ARHGAP26: variants seen among roughly 807,000 people sequenced by gnomAD.
ARHGAP26 encodes the protein rho GTPase-activating protein 26.
Under a neutral mutation model 104.8 loss-of-function variants are expected in ARHGAP26, and 38 were observed. The ratio of observed to expected loss-of-function variants is 0.36; its 90% CI spans 0.28 to 0.48. ARHGAP26 has a LOEUF of 0.48. ARHGAP26 is among the 20% of genes least tolerant of loss of function. ARHGAP26 has a pLI of 0.99. For synonymous variants in ARHGAP26, 341 were observed against 340.0 expected (o/e 1.00, Z -0.03); for missense variants, 704 against 947.9 (o/e 0.74, Z 3.38).
At chr5:143,001,634 T>C (rs1242766112) in intron 11 of ARHGAP26, among the ~76,000 whole-genome samples, 1 of 152,242 alleles carries the variant, frequency 6.6e-6, no homozygotes, top group East Asian at 1.9e-4. Context: ...AGTCACACTA[T>C]TCCTGGAGTC....
chr5:143,054,152 G>A (rs76922282), intron 14 of ARHGAP26, among the ~76,000 whole-genome samples: 3,396 of 152,246 alleles, frequency 0.022, 70 homozygotes, highest in South Asian at 0.11. Context: ...GGGTATAAAC[G>A]TTTTTAAGAC....
intron 20 of ARHGAP26, among the ~76,000 whole-genome samples, chr5:143,149,653 C>G (rs1469989115): frequency 6.6e-6 from 1 of 152,180 alleles, no homozygotes. Context: ...TAACAATCAC[C>G]TGAGACGACT....
chr5:142,848,974 A>T (rs1175960348), intron 1 of ARHGAP26, among the ~76,000 whole-genome samples: 1 of 152,176 alleles, frequency 6.6e-6, no homozygotes, highest in Non-Finnish European at 1.5e-5. Flanking sequence ...TCTTTGCACT[A>T]AATTGGTTTT....
chr5:143,085,792 G>C (rs3756377), intron 17 of ARHGAP26, among the ~76,000 whole-genome samples: 1 of 152,190 alleles, frequency 6.6e-6, no homozygotes, highest in South Asian at 2.1e-4. Flanking sequence ...CTGTGGGTAC[G>C]AGGAAGGAAA....
In ARHGAP26 at chr5:142,879,381, A is replaced by G. The variant is rs769509954; in HGVS notation, c.320A>G (p.Asn107Ser). ...LEDERIRMIE[N>S]ASEVLITPLE... ...TCTGTTGTTCTTCACCAGATTGAGA[A>G]TGCCAGCGAGGTGCTCATCACTCCC... Residue 107 changes from asparagine (N) to serine (S), a missense_variant, in exon 4 of 23, where the codon AAT becomes AGT. Asn to Ser is a conservative substitution (Grantham distance 46). Around this residue, in one of 6 missense-constraint regions of ARHGAP26, gnomAD observed 106 missense variants for 120.5 expected, o/e 0.88. Transcript: ENST00000645722. 1 of 1,614,104 alleles carries G rather than the reference A, an allele frequency of 6.2e-7. No individual in the cohort carries two copies. Among genetic ancestry groups the G allele is most frequent in the Non-Finnish European group, 8.5e-7 (1 of 1,179,972 alleles).
At position 142,997,851 on chromosome 5, in the gene ARHGAP26, T is replaced by C. The variant is rs1343866094; in HGVS notation, c.1108-16229T>C. Among the ~76,000 whole-genome samples the C allele has an allele frequency of 2.6e-5, 4 of 152,192 alleles. No individual in the cohort carries two copies. The East Asian group carries it at 5.8e-4, about 22-fold the overall frequency. On this transcript the variant is annotated intron_variant, in intron 11 of 22. Coordinates refer to ENST00000645722, the MANE Select transcript of ARHGAP26 (RefSeq NM_001135608.3). Reference sequence around the variant, plus strand: ...GTGTCTAAGTGAAAGAAGTTTATGATGTGCCTTGTGGCATAATATGAAAAT... The same window carrying C: ...GTGTCTAAGTGAAAGAAGTTTATGACGTGCCTTGTGGCATAATATGAAAAT...
chr5:142,932,845 G>A (rs1413678506), intron 11 of ARHGAP26, among the ~76,000 whole-genome samples: 1 of 152,220 alleles, frequency 6.6e-6, no homozygotes, highest in African/African-American at 2.4e-5. Context: ...TGATTTGTGT[G>A]TGTCTTTCTC....
intron 20 of ARHGAP26, among the ~76,000 whole-genome samples, chr5:143,169,165 A>G (rs1802436123): frequency 6.6e-6 from 1 of 152,234 alleles, no homozygotes; most frequent in Non-Finnish European, 1.5e-5. Context: ...TGAAAACTGA[A>G]CACTGGTGTA....
At chr5:143,103,299 T>C (rs1477519023) in intron 17 of ARHGAP26, 1 of 936,632 alleles carries the variant, frequency 1.1e-6, no homozygotes, top group Non-Finnish European at 1.3e-6. Context: ...AAACAACAGA[T>C]GCTGGAGAGG....
intron 1 of ARHGAP26, among the ~76,000 whole-genome samples, chr5:142,815,039 C>T (rs547884863): frequency 6.6e-6 from 1 of 152,292 alleles, no homozygotes; most frequent in Admixed American, 6.5e-5. Flanking sequence ...CTTGCTCTGT[C>T]ACCCAGGCTG....
intron 11 of ARHGAP26, among the ~76,000 whole-genome samples, chr5:142,978,714 A>G (rs1773488241): frequency 6.7e-6 from 1 of 150,172 alleles, no homozygotes; most frequent in Non-Finnish European, 1.5e-5. Flanking sequence ...TATTATCTTA[A>G]TCCTGGAGCT....
intron 17 of ARHGAP26, among the ~76,000 whole-genome samples, chr5:143,114,879 G>C (rs1795219142): frequency 6.6e-6 from 1 of 152,148 alleles, no homozygotes; most frequent in East Asian, 1.9e-4. Flanking sequence ...GTTCTTTGTA[G>C]GGTGGTGGGC....
In ARHGAP26 at chr5:143,229,005, G is replaced by A; in HGVS notation, c.*6559G>A. ...AATTAAATGACTTTTCCATTTGGTG[G>A]TATTTTCTTGAGTTTCTGATAGAGT... On this transcript the variant is annotated 3_prime_UTR_variant, in exon 23 of 23. Transcript: ENST00000645722. 5.6e-6 allele frequency: 1 copy of A among 179,550 alleles called. No individual in the cohort carries two copies. The highest frequency in any genetic ancestry group is 2.0e-4 in the South Asian group (1 of 5,052). The allele number at this position is 179,550 out of a possible 1,614,324, so 11.1% of individuals were successfully genotyped here. A position where few individuals can be genotyped will look rare whatever the true frequency, so the allele number is the denominator to read the frequency against.
intron 10 of ARHGAP26, among the ~76,000 whole-genome samples, chr5:142,919,783 G>A (rs1398542055): frequency 6.6e-6 from 1 of 152,148 alleles, no homozygotes; most frequent in Non-Finnish European, 1.5e-5. Context: ...GATCATTTGA[G>A]CTCAGGAGTT....
chr5:142,949,106 A>C lies in ARHGAP26; in HGVS notation c.1107+16981A>C, dbSNP rs1445586884. On this transcript the variant is annotated intron_variant, in intron 11 of 22. Coordinates refer to ENST00000645722, the MANE Select transcript of ARHGAP26 (RefSeq NM_001135608.3). ...GGTGAAAGAGTGAGACTCCGTCTCAAAAAAAAAAAATTGAAGAAAGCACAG... is the reference window on the plus strand; with the variant it reads ...GGTGAAAGAGTGAGACTCCGTCTCACAAAAAAAAAATTGAAGAAAGCACAG... Among the ~76,000 whole-genome samples, 9 of 148,388 alleles carry C rather than the reference A, an allele frequency of 6.1e-5. 1 individual carries two copies. The highest frequency in any genetic ancestry group is 2.0e-4 in the African/African-American group (8 of 40,494).
At chr5:143,037,343 C>G in intron 13 of ARHGAP26, 82 bp downstream of exon 13, 1 of 1,257,328 alleles carries the variant, frequency 8.0e-7, no homozygotes. Context: ...CTGCTGTTTC[C>G]TGACTTTAAG....
chr5:143,048,940 T>C (rs532035836), intron 14 of ARHGAP26, among the ~76,000 whole-genome samples: 21 of 150,922 alleles, frequency 1.4e-4, no homozygotes, highest in Non-Finnish European at 3.1e-4. Flanking sequence ...AAAAAAACCT[T>C]ACCCAATCTA....
At chr5:143,210,615 C>T (rs540484839) in intron 21 of ARHGAP26, among the ~76,000 whole-genome samples, 2 of 152,332 alleles carry the variant, frequency 1.3e-5, no homozygotes, top group South Asian at 4.1e-4. Context: ...GCCGATAGCC[C>T]CAAACCCGTA....
chr5:142,932,015 G>A (rs762411832), intron 10 of ARHGAP26, 32 bp from the exon 11 acceptor site: 2 of 1,604,980 alleles, frequency 1.2e-6, no homozygotes, highest in Admixed American at 3.3e-5. Flanking sequence ...TGTGGCACTG[G>A]TTTCATATCC....
Sources: allele counts gnomAD v4.1 joint callset (sites outside exome capture counted in the v4.1 genomes callset), GRCh38; gene constraint gnomAD v4.1.1; regional missense constraint gnomAD v4.1.1; transcripts MANE v1.5; gene names NCBI Gene and HGNC (gene_info 2026-07-23, HGNC 2026-07-21).